Variants in SETBP1 observed in about 807,000 individuals in gnomAD.
SETBP1 encodes the protein SET binding protein 1, also known as SET-binding protein.
SETBP1 carries 9 observed loss-of-function variants against 101.0 expected under a neutral mutation model. That is an observed-to-expected ratio of 0.09 (90% CI 0.05 to 0.16). The LOEUF is 0.16. SETBP1 is among the 10% of genes least tolerant of loss of function. The pLI, the probability that SETBP1 is intolerant of heterozygous loss-of-function variation, is 1.00. For synonymous variants in SETBP1, 818 were observed against 788.5 expected, an observed-to-expected ratio of 1.04 and a Z score of -0.63; for missense variants, 1,858 against 2,033.8, an observed-to-expected ratio of 0.91 and a Z score of 1.66.
chr18:45,017,231 C>T (rs2072966027), intron 4 of SETBP1, among the ~76,000 whole-genome samples: 1 of 152,130 alleles, frequency 6.6e-6, no homozygotes, highest in Non-Finnish European at 1.5e-5. Context: ...GTGGTCTGGG[C>T]ACGACACACT....
chr18:45,001,787 A>G (rs2072623194), intron 4 of SETBP1, among the ~76,000 whole-genome samples: 1 of 152,064 alleles, frequency 6.6e-6, no homozygotes, highest in African/African-American at 2.4e-5. Flanking sequence ...GGTAGAAAAG[A>G]CCTTAGACCC....
At chr18:45,006,089 G>T (rs1360293150) in intron 4 of SETBP1, among the ~76,000 whole-genome samples, 1 of 151,394 alleles carries the variant, frequency 6.6e-6, no homozygotes, top group African/African-American at 2.4e-5. Context: ...GAGTAGCTGG[G>T]ACTACAGGCA....
chr18:44,945,557 C>T (rs180955015), intron 3 of SETBP1, among the ~76,000 whole-genome samples: 90 of 152,230 alleles, frequency 5.9e-4, no homozygotes, highest in African/African-American at 1.5e-3. Context: ...AAACAATCAA[C>T]TCTTGGGAAT....
intron 4 of SETBP1, among the ~76,000 whole-genome samples, chr18:45,030,494 A>C (rs1178872438): frequency 7.2e-6 from 1 of 138,732 alleles, no homozygotes; most frequent in Non-Finnish European, 1.5e-5. Flanking sequence ...TGTCTCTGCC[A>C]GGCTTTGGTA....
intron 2 of SETBP1, among the ~76,000 whole-genome samples, chr18:44,730,242 A>C (rs1040910749): frequency 3.3e-5 from 5 of 152,254 alleles, no homozygotes; most frequent in Non-Finnish European, 5.9e-5. Context: ...GCCCTCAAAC[A>C]AGTTTTATTC....
intron 2 of SETBP1, among the ~76,000 whole-genome samples, chr18:44,751,030 T>A (rs2144533920): frequency 1.3e-5 from 2 of 152,164 alleles, no homozygotes; most frequent in South Asian, 4.2e-4. Flanking sequence ...TGCACAAGGG[T>A]CAGCCTGGTA....
chr18:45,030,662 G>T (rs1356491919), intron 4 of SETBP1, among the ~76,000 whole-genome samples: 2 of 149,894 alleles, frequency 1.3e-5, no homozygotes, highest in East Asian at 3.9e-4. Context: ...TGGTTGGTAA[G>T]CTATTGATTA....
intron 3 of SETBP1, among the ~76,000 whole-genome samples, chr18:44,933,338 C>T (rs1599341416): frequency 1.3e-5 from 2 of 152,296 alleles, no homozygotes; most frequent in Admixed American, 6.5e-5. Flanking sequence ...GGCACCCAGC[C>T]GTATGAGGTG....
intron 2 of SETBP1, among the ~76,000 whole-genome samples, chr18:44,794,352 G>T (rs573805341): frequency 2.0e-5 from 3 of 152,122 alleles, no homozygotes; most frequent in Non-Finnish European, 4.4e-5. Context: ...GATAAATGCT[G>T]CACCCCACCA....
chr18:44,916,013 G>C (rs889932586), intron 3 of SETBP1, among the ~76,000 whole-genome samples: 1 of 152,120 alleles, frequency 6.6e-6, no homozygotes, highest in African/African-American at 2.4e-5. Context: ...ATCATTTGAG[G>C]TAAGAAGTGT....
intron 1 of SETBP1, among the ~76,000 whole-genome samples, chr18:44,681,650 T>C (rs555577031): frequency 2.0e-5 from 3 of 148,058 alleles, no homozygotes; most frequent in Non-Finnish European, 3.0e-5. Context: ...CAATTGGAAA[T>C]AGATGAGGCT....
intron 4 of SETBP1, among the ~76,000 whole-genome samples, chr18:45,021,387 T>A (rs2073064073): frequency 6.6e-6 from 1 of 152,202 alleles, no homozygotes; most frequent in Non-Finnish European, 1.5e-5. Flanking sequence ...TCTAATGGCC[T>A]CCCCAACTCG....
chr18:44,822,754 C>G (rs1474375204), intron 2 of SETBP1, among the ~76,000 whole-genome samples: 2 of 152,194 alleles, frequency 1.3e-5, no homozygotes, highest in Admixed American at 1.3e-4. Context: ...TATTGAAAAC[C>G]TGGGCCTCTG....
intron 4 of SETBP1, among the ~76,000 whole-genome samples, chr18:44,996,589 C>G (rs1286678747): frequency 6.6e-6 from 1 of 152,236 alleles, no homozygotes; most frequent in Non-Finnish European, 1.5e-5. Context: ...CCATTCATAT[C>G]GAACTTTCTG....
At chr18:44,968,058 A>G (rs532950080) in intron 4 of SETBP1, among the ~76,000 whole-genome samples, 1 of 152,342 alleles carries the variant, frequency 6.6e-6, no homozygotes, top group South Asian at 2.1e-4. Flanking sequence ...ATTGCTCAGC[A>G]GGATGGTAAA....
chr18:44,725,727 C>A (rs1218189908), intron 2 of SETBP1, among the ~76,000 whole-genome samples: 1 of 152,074 alleles, frequency 6.6e-6, no homozygotes, highest in Non-Finnish European at 1.5e-5. Flanking sequence ...CCCCCTCGGC[C>A]CCCTGACTTC....
At chr18:44,977,271 A>G (rs750523592) in intron 4 of SETBP1, among the ~76,000 whole-genome samples, 6 of 152,212 alleles carry the variant, frequency 3.9e-5, no homozygotes, top group Non-Finnish European at 7.3e-5. Flanking sequence ...TGCGGAAGGT[A>G]TGTGTGGACA....
At chr18:44,707,341 C>T (rs1160435579) in intron 2 of SETBP1, among the ~76,000 whole-genome samples, 3 of 152,236 alleles carry the variant, frequency 2.0e-5, no homozygotes, top group Admixed American at 2.0e-4. Flanking sequence ...GTGTTCAAAG[C>T]TCACTAGTTA....
intron 2 of SETBP1, among the ~76,000 whole-genome samples, chr18:44,759,693 A>G (rs1599086568): frequency 1.3e-5 from 2 of 152,364 alleles, no homozygotes; most frequent in African/African-American, 4.8e-5. Flanking sequence ...GAGAAAGGCA[A>G]TTTGATTGAA....
Sources: gnomAD v4.1 joint callset for allele counts (sites outside exome capture counted in the v4.1 genomes callset) on GRCh38, gnomAD v4.1.1 for gene constraint, MANE v1.5 for transcripts, NCBI Gene and HGNC (gene_info 2026-07-23, HGNC 2026-07-21) for gene names.